The following CACNB2 variants were observed in gnomAD, a reference collection of about 807,000 sequenced individuals.
The protein encoded by CACNB2 is voltage-dependent L-type calcium channel subunit beta-2.
CACNB2 carries 42 observed loss-of-function variants against 73.3 expected under a neutral mutation model. That is an observed-to-expected ratio of 0.57 (90% confidence interval 0.45 to 0.74). CACNB2 has a LOEUF of 0.74. Ranked by LOEUF, CACNB2 falls within the 30% of genes least tolerant of loss-of-function variation. The pLI, the probability that CACNB2 is intolerant of heterozygous loss-of-function variation, is 0.00. For missense variants in CACNB2, 940 were observed against 853.0 expected (o/e 1.10, Z -1.27); for synonymous variants, 348 against 310.3 (o/e 1.12, Z -1.28).
chr10:18,384,727 C>T (rs944448447), intron 2 of CACNB2, among the ~76,000 whole-genome samples: 3 of 149,570 alleles, frequency 2.0e-5, no homozygotes, highest in Non-Finnish European at 4.4e-5. Context: ...GAGACCCTGT[C>T]TCAAAACAAC....
chr10:18,341,949 A>G (rs1021868220), intron 2 of CACNB2, among the ~76,000 whole-genome samples: 1 of 152,196 alleles, frequency 6.6e-6, no homozygotes, highest in African/African-American at 2.4e-5. Context: ...GCCCTCATTA[A>G]GTATTGTACG....
chr10:18,374,181 AC>A (rs1193109506), intron 2 of CACNB2, among the ~76,000 whole-genome samples: 1 of 152,248 alleles, frequency 6.6e-6, no homozygotes, highest in African/African-American at 2.4e-5. Flanking sequence ...TAACCAGAGC[AC>A]TGGATGAGCA....
chr10:18,511,074 GC>G (rs1399942048), intron 6 of CACNB2, among the ~76,000 whole-genome samples: 2 of 152,180 alleles, frequency 1.3e-5, no homozygotes, highest in Non-Finnish European at 2.9e-5. Context: ...ATAAAAGTCA[GC>G]ACTGGATAAA....
At chr10:18,450,633 T>C (rs1215505339) in intron 3 of CACNB2, among the ~76,000 whole-genome samples, 3 of 149,960 alleles carry the variant, frequency 2.0e-5, no homozygotes, top group African/African-American at 4.9e-5. Flanking sequence ...TTTCTTTTTT[T>C]TTTTTTTTTT....
chr10:18,280,605 G>C lies in CACNB2; in HGVS notation c.214-121319G>C, dbSNP rs1271534379. On this transcript the variant is annotated intron_variant, in intron 2 of 13. Transcript: ENST00000324631. ...TCACCCCTAACTCATCCTTTGGCCTGGGCTTTTGAACAGTACACAGAATGT... is the reference window on the plus strand; with the variant it reads ...TCACCCCTAACTCATCCTTTGGCCTCGGCTTTTGAACAGTACACAGAATGT... Among the ~76,000 whole-genome samples the C allele has an allele frequency of 6.6e-5, 10 of 152,030 alleles. No individual in the cohort carries two copies. In the South Asian group the frequency reaches 2.1e-3, roughly 32 times the overall value.
At chr10:18,154,765 G>A (rs2031904819) in intron 2 of CACNB2, among the ~76,000 whole-genome samples, 3 of 152,286 alleles carry the variant, frequency 2.0e-5, no homozygotes, top group East Asian at 3.9e-4. Context: ...ACCGCACTGG[G>A]CTGTTATCCT....
chr10:18,435,897 C>G (rs2046112768), intron 3 of CACNB2, among the ~76,000 whole-genome samples: 1 of 152,140 alleles, frequency 6.6e-6, no homozygotes, highest in Non-Finnish European at 1.5e-5. Context: ...TTATTGAGAT[C>G]TACACAGAGC....
intron 2 of CACNB2, among the ~76,000 whole-genome samples, chr10:18,208,779 T>TTTTTTTTTTTTTTTTTTTTTTTTTG (rs2035201146): frequency 1.3e-5 from 2 of 151,812 alleles, no homozygotes; most frequent in African/African-American, 4.8e-5. Context: ...AGGCAACTCT[T>TTTTTTTTTTTTTTTTTTTTTTTTTG]AAGCACACTG....
chr10:18,291,663 C>T (rs1247654597), intron 2 of CACNB2, among the ~76,000 whole-genome samples: 2 of 152,172 alleles, frequency 1.3e-5, no homozygotes, highest in African/African-American at 2.4e-5. Context: ...GAAATATACT[C>T]CATTGGATTT....
chr10:18,187,197 C>T (rs1183528857), intron 2 of CACNB2, among the ~76,000 whole-genome samples: 1 of 152,106 alleles, frequency 6.6e-6, no homozygotes, highest in African/African-American at 2.4e-5. Context: ...GCCAGTGAGT[C>T]TGGGCAGCAG....
intron 10 of CACNB2, among the ~76,000 whole-genome samples, chr10:18,532,706 A>AAAAAAAAC (rs1564663766): frequency 6.2e-5 from 4 of 64,764 alleles, no homozygotes; most frequent in African/African-American, 2.2e-4. Flanking sequence ...ACAAAACAAA[A>AAAAAAAAC]AAACAAACAA....
intron 1 of CACNB2, among the ~76,000 whole-genome samples, chr10:18,141,483 C>T (rs772705760): frequency 6.6e-6 from 1 of 152,218 alleles, no homozygotes; most frequent in Non-Finnish European, 1.5e-5. Flanking sequence ...CCTTAAGAAG[C>T]GAGTGAGCTG....
intron 2 of CACNB2, among the ~76,000 whole-genome samples, chr10:18,274,190 C>T (rs2038178013): frequency 6.6e-6 from 1 of 151,100 alleles, no homozygotes; most frequent in African/African-American, 2.4e-5. Flanking sequence ...ATAAATCAAC[C>T]CGACTACTTA....
At position 18,261,530 on chromosome 10, in the gene CACNB2, G is replaced by A. The variant is rs187254704; in HGVS notation, c.213+110555G>A. Among the ~76,000 whole-genome samples, 127 of 152,222 alleles carry A rather than the reference G, an allele frequency of 8.3e-4. 1 individual carries two copies. The highest frequency in any genetic ancestry group is 2.2e-3 in the Admixed American group (34 of 15,300). On this transcript the variant is annotated intron_variant, in intron 2 of 13. Coordinates refer to ENST00000324631, the MANE Select transcript of CACNB2 (RefSeq NM_201596.3). Reference sequence around the variant, plus strand: ...AGAGATGTTTTTATCTGTCTTTTGTGCCTTGTGACTTTGATAAGGTTGGAA... The same window carrying A: ...AGAGATGTTTTTATCTGTCTTTTGTACCTTGTGACTTTGATAAGGTTGGAA...
chr10:18,339,910 C>G (rs1323328979), intron 2 of CACNB2, among the ~76,000 whole-genome samples: 1 of 152,148 alleles, frequency 6.6e-6, no homozygotes, highest in East Asian at 1.9e-4. Context: ...TTGCCATCCC[C>G]TTCTTGACAT....
In CACNB2 at chr10:18,299,072, A is replaced by AG. The variant is rs1470972736; in HGVS notation, c.214-102852_214-102851insG. ...CCCTAAAACTTAAAGTATACTAAAA[A>AG]AAAAAAAATAAAAAATAAAAGAAAA... On this transcript the variant is annotated intron_variant, in intron 2 of 13. Transcript: ENST00000324631. Among the ~76,000 whole-genome samples the AG allele has an allele frequency of 2.8e-5, 3 of 107,732 alleles. No individual in the cohort carries two copies. The Admixed American group carries it at 3.3e-4, about 12-fold the overall frequency. The allele number at this position is 107,732 out of a possible 152,430, so 70.7% of individuals were successfully genotyped here.
chr10:18,441,957 C>T (rs1218687231), intron 3 of CACNB2, among the ~76,000 whole-genome samples: 1 of 152,174 alleles, frequency 6.6e-6, no homozygotes, highest in Non-Finnish European at 1.5e-5. Context: ...GTGTTGTATA[C>T]ATATACAGTT....
chr10:18,396,574 G>A (rs1467906571), intron 2 of CACNB2, among the ~76,000 whole-genome samples: 1 of 152,038 alleles, frequency 6.6e-6, no homozygotes, highest in African/African-American at 2.4e-5. Context: ...GGGTTCAAGC[G>A]ATTCTCCTGC....
intron 2 of CACNB2, among the ~76,000 whole-genome samples, chr10:18,337,635 C>G (rs1251320862): frequency 2.0e-5 from 3 of 152,114 alleles, no homozygotes; most frequent in African/African-American, 4.8e-5. Flanking sequence ...AAACATATTA[C>G]TGATAAAGTT....
Sources: allele counts gnomAD v4.1 joint callset (sites outside exome capture counted in the v4.1 genomes callset), GRCh38; gene constraint gnomAD v4.1.1; transcripts MANE v1.5; gene names NCBI Gene and HGNC (gene_info 2026-07-23, HGNC 2026-07-21).